PRPF31: variants seen among roughly 807,000 people sequenced by gnomAD.
PRPF31 encodes the protein U4/U6 small nuclear ribonucleoprotein Prp31.
A neutral mutation model predicts 60.4 loss-of-function variants in PRPF31; 12 were observed. That is an observed-to-expected ratio of 0.20 (90% CI 0.13 to 0.32). The LOEUF is 0.32. PRPF31 is among the 10% of genes least tolerant of loss of function. The pLI, the probability that PRPF31 is intolerant of heterozygous loss-of-function variation, is 1.00. For synonymous variants in PRPF31, 287 were observed against 287.9 expected (o/e 1.00, Z 0.03); for missense variants, 431 against 687.1 (o/e 0.63, Z 4.17).
intron 3 of PRPF31, 115 bp from the exon 4 acceptor site, chr19:54,121,745 C>CTT (rs2073794191): frequency 2.1e-6 from 2 of 973,886 alleles, no homozygotes; most frequent in Non-Finnish European, 3.2e-6. Context: ...CTGGTTTACT[C>CTT]TTCAGCCCCT....
intron 1 of PRPF31, among the ~76,000 whole-genome samples, chr19:54,117,113 G>GA (rs1249502641): frequency 2.0e-5 from 3 of 151,828 alleles, no homozygotes; most frequent in African/African-American, 7.3e-5. Flanking sequence ...GAAAAGAAAA[G>GA]AAAAAACAAA....
At chr19:54,121,992 G>GC in intron 4 of PRPF31, 49 bp downstream of exon 4, 1 of 1,545,648 alleles carries the variant, frequency 6.5e-7, no homozygotes. Flanking sequence ...CGTCCCTCAC[G>GC]CCCCCTCTCC....
chr19:54,127,960 C>CATTAGGTGCT (rs2073958211), intron 9 of PRPF31, 113 bp from the exon 10 acceptor site: 5 of 1,418,976 alleles, frequency 3.5e-6, no homozygotes, highest in Non-Finnish European at 4.9e-6. Context: ...GGTGAGGCAG[C>CATTAGGTGCT]ATTAGGTGCT....
At chr19:54,124,325 A>G in intron 7 of PRPF31, 174 bp from the exon 8 acceptor site, 1 of 712,506 alleles carries the variant, frequency 1.4e-6, no homozygotes, top group East Asian at 2.7e-5. Flanking sequence ...CCTCCTTTGC[A>G]TCTGCCCCTT....
At chr19:54,128,017 G>A in intron 9 of PRPF31, 56 bp from the exon 10 acceptor site, 8 of 1,547,852 alleles carry the variant, frequency 5.2e-6, no homozygotes, top group Non-Finnish European at 7.0e-6. Flanking sequence ...CTCAGAGGAG[G>A]CCTGGGTGGG....
intron 13 of PRPF31, among the ~76,000 whole-genome samples, chr19:54,130,879 G>A (rs1363921149): frequency 6.6e-6 from 1 of 152,122 alleles, no homozygotes; most frequent in Non-Finnish European, 1.5e-5. Context: ...TTTTAGAGAC[G>A]GGGGCTCGCT....
At position 54,126,435 on chromosome 19, in the gene PRPF31, G is replaced by A. The variant is rs1002644433; in HGVS notation, c.856-93G>A. On this transcript the variant is annotated intron_variant, in intron 8 of 13. Coordinates refer to ENST00000321030, the MANE Select transcript of PRPF31 (RefSeq NM_015629.4). The stretch of plus-strand genomic sequence containing the variant: ...GGAAAGCCCCCTTCCAGGACCCCAG[G>A]TAGAGCCAGAGGAGGAGCGCGCGCG... The A allele has an allele frequency of 5.7e-6, 7 of 1,221,100 alleles. No homozygotes were observed. In the South Asian group the frequency reaches 6.4e-5, roughly 11 times the overall value. 75.6% of individuals were successfully genotyped at this position (1,221,100 alleles called of 1,614,324 possible). A position where few individuals can be genotyped will look rare whatever the true frequency, so the allele number is the denominator to read the frequency against.
chr19:54,130,432 T>C (rs1432322677), intron 13 of PRPF31, among the ~76,000 whole-genome samples: 9 of 152,146 alleles, frequency 5.9e-5, no homozygotes, highest in Non-Finnish European at 8.8e-5. Context: ...GAGACCATCC[T>C]GGCTAACACG....
At chr19:54,125,697 G>T (rs1351969606) in intron 8 of PRPF31, among the ~76,000 whole-genome samples, 8 of 151,972 alleles carry the variant, frequency 5.3e-5, no homozygotes, top group African/African-American at 1.2e-4. Context: ...CCTGTGTGGG[G>T]TTTTTTTTGT....
chr19:54,128,030 G>A (rs1463416365), intron 9 of PRPF31, 43 bp from the exon 10 acceptor site: 1 of 1,548,142 alleles, frequency 6.5e-7, no homozygotes, highest in South Asian at 1.2e-5. Flanking sequence ...TGGGTGGGCA[G>A]CCCACGCGAG....
intron 8 of PRPF31, chr19:54,125,427 T>G (rs1210945314): frequency 6.7e-6 from 1 of 148,474 alleles, no homozygotes; most frequent in Non-Finnish European, 1.5e-5. Flanking sequence ...ACCCAGGAGG[T>G]GGAGGTTGCA....
At chr19:54,123,618 C>G in intron 6 of PRPF31, 58 bp downstream of exon 6, 1 of 1,607,456 alleles carries the variant, frequency 6.2e-7, no homozygotes. Flanking sequence ...TAGGCTGGAG[C>G]TACACACGCA....
chr19:54,122,532 A>G lies in PRPF31; in HGVS notation c.358A>G (p.Lys120Glu). 1 of 1,614,076 alleles carries G rather than the reference A, an allele frequency of 6.2e-7. No individual in the cohort carries two copies. Among genetic ancestry groups the G allele is most frequent in the Non-Finnish European group, 8.5e-7 (1 of 1,179,932 alleles). Residue 120 changes from lysine (K) to glutamate (E), a missense_variant, in exon 5 of 14, where the codon AAG becomes GAG. Lys to Glu is a moderately conservative substitution (Grantham distance 56). Coordinates refer to ENST00000321030, the MANE Select transcript of PRPF31 (RefSeq NM_015629.4). Reference sequence around the variant, plus strand: ...TAAGTTCATCCGGGATAAGTACTCAAAGAGATTCCCTGAACTGGAGTCCTT... The same window carrying G: ...TAAGTTCATCCGGGATAAGTACTCAGAGAGATTCCCTGAACTGGAGTCCTT... ...IHKFIRDKYSKRFPELESLVP... is the reference protein window; with the variant it reads ...IHKFIRDKYSERFPELESLVP...
chr19:54,122,001 C>A, intron 4 of PRPF31, 58 bp downstream of exon 4: 1 of 1,517,050 alleles, frequency 6.6e-7, no homozygotes, highest in Non-Finnish European at 9.0e-7. Flanking sequence ...CGCCCCCTCT[C>A]CCTTCCCCAC....
rs147363343 is a variant in PRPF31 at position 54,127,348 on chromosome 19, CCTCT to C, written c.946-720_946-717del. ...GAGCCAGCCACATAGCACCCTCAGA[CCTCT>C]CTCTGACTCTGCTTCTGTCTTCATA... On this transcript the variant is annotated intron_variant, in intron 9 of 13. Coordinates refer to ENST00000321030, the MANE Select transcript of PRPF31 (RefSeq NM_015629.4). Among the ~76,000 whole-genome samples the C allele has an allele frequency of 6.8e-3, 1,033 of 152,272 alleles. 12 individuals are homozygous for C. The highest frequency in any genetic ancestry group is 0.024 in the African/African-American group (981 of 41,546).
At chr19:54,123,709 G>A (rs931373228) in intron 6 of PRPF31, 40 bp from the exon 7 acceptor site, 17 of 1,594,648 alleles carry the variant, frequency 1.1e-5, no homozygotes, top group Non-Finnish European at 1.4e-5. Flanking sequence ...ACACCAGGCA[G>A]GCGGGAGACC....
At chr19:54,116,394 CGGG>C (rs751692207) in intron 1 of PRPF31, among the ~76,000 whole-genome samples, 1 of 151,878 alleles carries the variant, frequency 6.6e-6, no homozygotes, top group Non-Finnish European at 1.5e-5. Context: ...TTAGTAGAGA[CGGG>C]GTTTCACTAT....
At position 54,124,637 on chromosome 19, in the gene PRPF31, T is replaced by G. The variant is rs2146425977; in HGVS notation, c.836T>G (p.Ile279Ser). The G allele has an allele frequency of 1.2e-6, 2 of 1,613,282 alleles. No individual in the cohort carries two copies. The highest frequency in any genetic ancestry group is 1.7e-6 in the Non-Finnish European group (2 of 1,180,004). The change falls in exon 8 of 14, where the codon ATC (isoleucine) becomes AGC (serine). Residue 279 changes from isoleucine (I) to serine (S), a missense_variant. Around this residue, in one of 4 missense-constraint regions of PRPF31, gnomAD observed 314 missense variants for 475.3 expected, o/e 0.66. Coordinates refer to ENST00000321030, the MANE Select transcript of PRPF31 (RefSeq NM_015629.4). ...PHTGYIYHSD[I>S]VQSLPPDLRR... Reference sequence around the variant, plus strand: ...ACCGGCTACATCTACCACAGTGACATCGTGCAGTCCCTGCCACCGGTGAGC... The same window carrying G: ...ACCGGCTACATCTACCACAGTGACAGCGTGCAGTCCCTGCCACCGGTGAGC...
Position 54,124,643 on chromosome 19 carries a change from A to G in PRPF31, c.842A>G (p.Gln281Arg), listed in dbSNP as rs776838460. ...TGYIYHSDIV[Q>R]SLPPDLRRKA... ...TACATCTACCACAGTGACATCGTGC[A>G]GTCCCTGCCACCGGTGAGCCCACTG... is the stretch of plus-strand genomic sequence containing the variant. The change falls in exon 8 of 14, where the codon CAG becomes CGG. Residue 281 changes from glutamine (Q) to arginine (R), a missense_variant. Coordinates refer to ENST00000321030, the MANE Select transcript of PRPF31 (RefSeq NM_015629.4). 1.9e-6 allele frequency: 3 copies of G among 1,613,098 alleles called. No individual in the cohort carries two copies. The highest frequency in any genetic ancestry group is 2.5e-6 in the Non-Finnish European group (3 of 1,180,004).
Sources: gnomAD v4.1 joint callset for allele counts (sites outside exome capture counted in the v4.1 genomes callset) on GRCh38, gnomAD v4.1.1 for gene constraint, gnomAD v4.1.1 regional missense constraint, MANE v1.5 for transcripts, NCBI Gene and HGNC (gene_info 2026-07-23, HGNC 2026-07-21) for gene names.